AHR: variants seen among roughly 807,000 people sequenced by gnomAD.
AHR encodes the protein aryl hydrocarbon receptor, also known as AH-receptor.
In AHR, 40 loss-of-function variants were observed where a neutral mutation model predicts 86.8. The observed-to-expected ratio is 0.46, with a 90% CI of 0.36 to 0.60. AHR has a LOEUF of 0.60. AHR is among the 20% of genes least tolerant of loss of function. The pLI is 0.00. For missense variants in AHR, 1,001 were observed against 1,011.6 expected, an observed-to-expected ratio of 0.99 and a Z score of 0.14; for synonymous variants, 398 against 354.9, an observed-to-expected ratio of 1.12 and a Z score of -1.37.
At chr7:17,326,849 G>GATCACAT (rs1782235460) in intron 3 of AHR, among the ~76,000 whole-genome samples, 1 of 152,076 alleles carries the variant, frequency 6.6e-6, no homozygotes, top group African/African-American at 2.4e-5. Context: ...CATTAGCTGT[G>GATCACAT]ATCACATAGT....
chr7:17,301,618 A>G (rs1421719004), intron 1 of AHR, among the ~76,000 whole-genome samples: 1 of 151,872 alleles, frequency 6.6e-6, no homozygotes, highest in Non-Finnish European at 1.5e-5. Context: ...AGTAGGTGAC[A>G]ATTGTAACCT....
At position 17,339,234 on chromosome 7, in the gene AHR, A is replaced by G. The variant is rs199672191; in HGVS notation, c.1409A>G (p.Tyr470Cys). The G allele has an allele frequency of 9.4e-5, 151 of 1,614,188 alleles. No individual in the cohort carries two copies. The East Asian group carries it at 1.0e-3, about 11-fold the overall frequency. ...CAACAAGATGAGTCTATTTATCTCT[A>G]TCCTGCTTCAAGTACTTCAAGTACT... ...MMQQDESIYL[Y>C]PASSTSSTAP... is the part of the protein sequence containing the mutation. Residue 470 changes from tyrosine (Y) to cysteine (C), a missense_variant, in exon 10 of 11, where the codon TAT (tyrosine) becomes TGT (cysteine). By Grantham distance (194) the Tyr-to-Cys change is radical. Coordinates refer to ENST00000242057, the MANE Select transcript of AHR (RefSeq NM_001621.5).
Position 17,343,872 on chromosome 7 carries a change from T to G in AHR, c.*808T>G, listed in dbSNP as rs570066639. ...TATAAATGTTGCTATGTGCCTTATG[T>G]TGAAAAAATTTAAAAGTAAAATGTC... On this transcript the variant is annotated 3_prime_UTR_variant, in exon 11 of 11. Coordinates refer to ENST00000242057, the MANE Select transcript of AHR (RefSeq NM_001621.5). 19 of 152,682 alleles carry G rather than the reference T, an allele frequency of 1.2e-4. No individual in the cohort carries two copies. Among genetic ancestry groups the G allele is most frequent in the Admixed American group, 1.2e-3 (18 of 15,298 alleles). 9.5% of individuals were successfully genotyped at this position (152,682 alleles called of 1,614,324 possible). A position where few individuals can be genotyped will look rare whatever the true frequency, so the allele number is the denominator to read the frequency against.
rs1324799959 is a variant in AHR at position 17,321,949 on chromosome 7, A to C, written c.254-552A>C. 2.0e-5 allele frequency among the ~76,000 whole-genome samples: 3 copies of C among 152,036 alleles called. No homozygotes were observed. The East Asian group carries it at 5.8e-4, about 29-fold the overall frequency. On this transcript the variant is annotated intron_variant, in intron 2 of 10. Transcript: ENST00000242057. ...TTATAAATTTAACATGAACCTATTA[A>C]ATAGTCACAGTAATTAACAGTTTTT... is the stretch of plus-strand genomic sequence containing the variant.
chr7:17,330,903 T>C lies in AHR; in HGVS notation c.705+17T>C, dbSNP rs773985126. 6.2e-5 allele frequency: 100 copies of C among 1,609,112 alleles called. No homozygotes were observed. Among genetic ancestry groups the C allele is most frequent in the Non-Finnish European group, 8.4e-5 (99 of 1,177,268 alleles). On this transcript the variant is annotated intron_variant, in intron 6 of 10. Transcript: ENST00000242057. ...GGTTTTCTGGTAAGGTACAAAATTT[T>C]ATGATACTGGCTTTTACTATTGTTA...
In AHR at chr7:17,308,391, A is replaced by G. The variant is rs117770147; in HGVS notation, c.66-1545A>G. Among the ~76,000 whole-genome samples, 320 of 152,048 alleles carry G rather than the reference A, an allele frequency of 2.1e-3. 9 individuals are homozygous for G. In the East Asian group the frequency reaches 0.043, roughly 20 times the overall value. ...TTGCTGCTTCTGCTTAGCTCCCATA[A>G]CACTTTTTGAATAGTTAGGAGAAAA... is the stretch of plus-strand genomic sequence containing the variant. On this transcript the variant is annotated intron_variant, in intron 1 of 10. Transcript: ENST00000242057.
intron 3 of AHR, among the ~76,000 whole-genome samples, chr7:17,324,487 A>G (rs917416365): frequency 4.0e-4 from 61 of 152,334 alleles, no homozygotes; most frequent in African/African-American, 1.3e-3. Flanking sequence ...TAACAAAGGC[A>G]TATGAAGAAA....
At chr7:17,323,959 A>G (rs996085206) in intron 3 of AHR, among the ~76,000 whole-genome samples, 27 of 152,310 alleles carry the variant, frequency 1.8e-4, no homozygotes, top group Non-Finnish European at 3.4e-4. Context: ...TTCAGGTGAA[A>G]TAGACAGATA....
rs1393549175 is a variant in AHR, at chr7:17,339,816, G to A, written c.1991G>A (p.Cys664Tyr). ...WNSNQFVPFN[C>Y]PQQDPQQYNV... The stretch of plus-strand genomic sequence containing the variant: ...TCTAACCAATTCGTGCCTTTCAATT[G>A]TCCACAGCAAGACCCACAACAATAT... Residue 664 changes from cysteine (C) to tyrosine (Y), a missense_variant, in exon 10 of 11, where the codon TGT (cysteine) becomes TAT (tyrosine). Cys to Tyr is a radical substitution (Grantham distance 194). Around this residue, in one of 2 missense-constraint regions of AHR, gnomAD observed 607 missense variants for 543.1 expected, o/e 1.12. Transcript: ENST00000242057. 2 of 1,614,154 alleles carry A rather than the reference G, an allele frequency of 1.2e-6. No individual in the cohort carries two copies. The highest frequency in any genetic ancestry group is 1.7e-6 in the Non-Finnish European group (2 of 1,180,036).
intron 1 of AHR, among the ~76,000 whole-genome samples, chr7:17,307,770 C>CT (rs1782020498): frequency 6.6e-6 from 1 of 152,168 alleles, no homozygotes; most frequent in African/African-American, 2.4e-5. Context: ...TCTGTATACT[C>CT]TATCACCAGA....
intron 10 of AHR, among the ~76,000 whole-genome samples, chr7:17,341,878 T>A (rs1562483481): frequency 6.6e-6 from 1 of 152,172 alleles, no homozygotes; most frequent in African/African-American, 2.4e-5. Context: ...CTGTGTACAG[T>A]ATGTTTAAAG....
chr7:17,333,899 T>C lies in AHR; in HGVS notation c.706-13T>C, dbSNP rs772733168. On this transcript the variant is annotated splice_polypyrimidine_tract_variant and intron_variant, in intron 6 of 10. Transcript: ENST00000242057. ...ATTTTAATGAACTTTTTTGTTGTTG[T>C]TGCTTTTTTAAGGCAATGAATTTCC... 2 of 1,608,694 alleles carry C rather than the reference T, an allele frequency of 1.2e-6. No individual in the cohort carries two copies. Among genetic ancestry groups the C allele is most frequent in the South Asian group, 2.2e-5 (2 of 90,716 alleles).
At chr7:17,325,136 T>C (rs1228918538) in intron 3 of AHR, among the ~76,000 whole-genome samples, 4 of 152,228 alleles carry the variant, frequency 2.6e-5, no homozygotes, top group Admixed American at 2.0e-4. Context: ...AATTAGCATA[T>C]TAATTCCTTC....
intron 9 of AHR, among the ~76,000 whole-genome samples, chr7:17,336,695 G>A (rs1782357754): frequency 6.6e-6 from 1 of 152,106 alleles, no homozygotes; most frequent in African/African-American, 2.4e-5. Context: ...ATGTGTATAA[G>A]TACCCATGGA....
At chr7:17,305,087 G>C (rs1043482961) in intron 1 of AHR, among the ~76,000 whole-genome samples, 1 of 152,076 alleles carries the variant, frequency 6.6e-6, no homozygotes, top group Non-Finnish European at 1.5e-5. Context: ...CAAACAAAAG[G>C]GAAAGGAAAG....
intron 2 of AHR, among the ~76,000 whole-genome samples, chr7:17,314,796 C>T (rs1292512810): frequency 6.6e-6 from 1 of 151,980 alleles, no homozygotes; most frequent in Non-Finnish European, 1.5e-5. Flanking sequence ...ATTTCATCTG[C>T]TTTGTTGTAA....
At position 17,339,118 on chromosome 7, in the gene AHR, T is replaced by G. The variant is rs1360327467; in HGVS notation, c.1293T>G (p.Thr431=). The G allele has an allele frequency of 6.2e-7, 1 of 1,614,106 alleles. No individual in the cohort carries two copies. Among genetic ancestry groups the G allele is most frequent in the South Asian group, 1.1e-5 (1 of 91,082 alleles). The change falls in exon 10 of 11, where the codon ACT becomes ACG. Residue 431 remains threonine, a synonymous_variant. Coordinates refer to ENST00000242057, the MANE Select transcript of AHR (RefSeq NM_001621.5). ...TAATGGATCCCTTACCACTAAGGAC[T>G]AAAAATGGCACTAGTGGAAAAGACT... ...PAIMDPLPLR[T]KNGTSGKDSA...
chr7:17,335,052 A>G (rs926713019), intron 8 of AHR, 56 bp downstream of exon 8: 37 of 1,279,024 alleles, frequency 2.9e-5, no homozygotes, highest in Non-Finnish European at 3.8e-5. Flanking sequence ...ACTGTTGTAC[A>G]TGTTTCAAAT....
intron 1 of AHR, among the ~76,000 whole-genome samples, chr7:17,309,456 A>G (rs946425102): frequency 6.6e-6 from 1 of 152,214 alleles, no homozygotes; most frequent in African/African-American, 2.4e-5. Flanking sequence ...ATAAATACAG[A>G]AAGCTGGTGA....
Sources: allele counts gnomAD v4.1 joint callset (sites outside exome capture counted in the v4.1 genomes callset), GRCh38; gene constraint gnomAD v4.1.1; regional missense constraint gnomAD v4.1.1; transcripts MANE v1.5; gene names NCBI Gene and HGNC (gene_info 2026-07-23, HGNC 2026-07-21).